Variants in RBFOX1 observed in about 807,000 individuals in gnomAD.
The protein encoded by RBFOX1 is RNA binding fox-1 homolog 1, also known as RNA binding protein fox-1 homolog 1.
Under a neutral mutation model 57.7 loss-of-function variants are expected in RBFOX1, and 8 were observed. That is an observed-to-expected ratio of 0.14 (90% CI 0.08 to 0.25). The LOEUF (loss-of-function observed/expected upper bound fraction) is 0.25. Ranked by LOEUF, RBFOX1 falls within the 10% of genes least tolerant of loss-of-function variation. The pLI is 1.00. For synonymous variants in RBFOX1, 326 were observed against 222.4 expected (o/e 1.47, Z -4.15); for missense variants, 611 against 548.5 (o/e 1.11, Z -1.14).
At chr16:7,375,662 A>T (rs1209473482) in intron 4 of RBFOX1, among the ~76,000 whole-genome samples, 2 of 152,122 alleles carry the variant, frequency 1.3e-5, no homozygotes, top group Admixed American at 1.3e-4. Context: ...ATTCTGTGTG[A>T]CAATTCTGTA....
intron 3 of RBFOX1, among the ~76,000 whole-genome samples, chr16:6,655,119 A>G (rs140250883): frequency 2.0e-5 from 3 of 151,872 alleles, no homozygotes; most frequent in Non-Finnish European, 4.4e-5. Flanking sequence ...CATGCCTATA[A>G]TCCCAACACT....
intron 3 of RBFOX1, among the ~76,000 whole-genome samples, chr16:6,892,435 C>G (rs1056573637): frequency 2.0e-5 from 3 of 151,998 alleles, no homozygotes; most frequent in Non-Finnish European, 4.4e-5. Context: ...TTTAGGAGGC[C>G]GAAGTGGGTG....
intron 3 of RBFOX1, among the ~76,000 whole-genome samples, chr16:5,865,871 G>A (rs2057333129): frequency 6.6e-6 from 1 of 152,126 alleles, no homozygotes. Flanking sequence ...TTCTTGCTGT[G>A]TCTGCATGTG....
chr16:5,461,424 AG>A (rs138284960), intron 1 of RBFOX1, among the ~76,000 whole-genome samples: 1,877 of 152,270 alleles, frequency 0.012, 52 homozygotes, highest in African/African-American at 0.043. Flanking sequence ...GCAGGCTGGC[AG>A]GGAGGGCAGG....
intron 1 of RBFOX1, among the ~76,000 whole-genome samples, chr16:5,389,541 G>T (rs1410977932): frequency 6.6e-6 from 1 of 152,102 alleles, no homozygotes; most frequent in East Asian, 1.9e-4. Context: ...ACATACTCCT[G>T]TGTATGTAAC....
At chr16:5,312,385 C>T (rs567165704) in intron 1 of RBFOX1, among the ~76,000 whole-genome samples, 1 of 152,300 alleles carries the variant, frequency 6.6e-6, no homozygotes, top group Admixed American at 6.5e-5. Context: ...GTGGCACGTT[C>T]GTGGCTCACT....
intron 1 of RBFOX1, among the ~76,000 whole-genome samples, chr16:5,428,105 GGT>G (rs1169073538): frequency 2.2e-5 from 3 of 138,026 alleles, no homozygotes; most frequent in African/African-American, 7.6e-5. Context: ...GCTCTGGAAG[GGT>G]GTGTGTGTGT....
At chr16:5,723,927 C>G (rs1448317577) in intron 3 of RBFOX1, among the ~76,000 whole-genome samples, 1 of 152,212 alleles carries the variant, frequency 6.6e-6, no homozygotes, top group African/African-American at 2.4e-5. Flanking sequence ...AGATGTTTCA[C>G]ATTTTTCCAT....
intron 11 of RBFOX1, among the ~76,000 whole-genome samples, chr16:7,631,386 C>T (rs572960431): frequency 1.3e-5 from 2 of 152,164 alleles, no homozygotes; most frequent in Non-Finnish European, 2.9e-5. Context: ...TTCTCTGCCT[C>T]GGATGGATGC....
intron 4 of RBFOX1, among the ~76,000 whole-genome samples, chr16:7,179,220 G>T (rs1037501287): frequency 7.4e-6 from 1 of 134,390 alleles, no homozygotes; most frequent in African/African-American, 2.8e-5. Context: ...TGCTTAACCG[G>T]GATTTTTTTT....
intron 3 of RBFOX1, among the ~76,000 whole-genome samples, chr16:5,755,307 T>C (rs1245653432): frequency 1.3e-5 from 2 of 152,012 alleles, no homozygotes; most frequent in Middle Eastern, 6.8e-3. Context: ...TGTCTACTTC[T>C]TTCTACACAG....
chr16:5,692,796 C>A (rs2050729484), intron 3 of RBFOX1, among the ~76,000 whole-genome samples: 1 of 151,992 alleles, frequency 6.6e-6, no homozygotes, highest in Admixed American at 6.6e-5. Flanking sequence ...GCACAGAGTC[C>A]AGGCAAGAGG....
At chr16:6,687,654 C>G (rs979189686) in intron 3 of RBFOX1, among the ~76,000 whole-genome samples, 2 of 152,144 alleles carry the variant, frequency 1.3e-5, no homozygotes, top group Admixed American at 6.5e-5. Flanking sequence ...AGGATTCAGG[C>G]TGCTCCTGTT....
intron 4 of RBFOX1, among the ~76,000 whole-genome samples, chr16:7,457,992 C>G (rs973899875): frequency 1.3e-5 from 2 of 152,132 alleles, no homozygotes; most frequent in Non-Finnish European, 1.5e-5. Context: ...TTCCACAGTT[C>G]CTACCCTGGT....
intron 3 of RBFOX1, among the ~76,000 whole-genome samples, chr16:6,666,871 G>C (rs1053052297): frequency 6.6e-6 from 1 of 152,010 alleles, no homozygotes; most frequent in African/African-American, 2.4e-5. Context: ...TATTATCTCG[G>C]GGTCCTCAAT....
chr16:5,952,651 G>A (rs1312247083), intron 4 of RBFOX1, among the ~76,000 whole-genome samples: 1 of 152,084 alleles, frequency 6.6e-6, no homozygotes, highest in East Asian at 1.9e-4. Flanking sequence ...GATAGTGATG[G>A]GTGTAGCTGT....
At chr16:6,658,812 C>T (rs138866379) in intron 3 of RBFOX1, among the ~76,000 whole-genome samples, 2 of 152,204 alleles carry the variant, frequency 1.3e-5, no homozygotes, top group East Asian at 3.9e-4. Context: ...TGGATGGTTC[C>T]TGGCCATTGC....
chr16:6,599,930 C>T (rs1012989593), intron 2 of RBFOX1, among the ~76,000 whole-genome samples: 1 of 152,176 alleles, frequency 6.6e-6, no homozygotes, highest in Non-Finnish European at 1.5e-5. Context: ...TGTTAACCCA[C>T]AATCAACAAA....
At chr16:6,850,929 C>G (rs538296488) in intron 3 of RBFOX1, among the ~76,000 whole-genome samples, 1 of 152,300 alleles carries the variant, frequency 6.6e-6, no homozygotes, top group South Asian at 2.1e-4. Context: ...TGCAAATGTT[C>G]ACTGCAGCTT....
Sources: allele counts gnomAD v4.1 joint callset (sites outside exome capture counted in the v4.1 genomes callset), GRCh38; gene constraint gnomAD v4.1.1; transcripts MANE v1.5; gene names NCBI Gene and HGNC (gene_info 2026-07-23, HGNC 2026-07-21).